INTS9: variants seen among roughly 807,000 people sequenced by gnomAD.
INTS9 encodes integrator complex subunit 9.
Under a neutral mutation model 79.7 loss-of-function variants are expected in INTS9, and 55 were observed. The observed-to-expected ratio is 0.69, with a 90% CI of 0.56 to 0.86. The LOEUF (loss-of-function observed/expected upper bound fraction) is 0.86, where lower values mean the gene tolerates loss of function less well. Among genes scored for constraint, INTS9 ranks in the 40% least tolerant of loss-of-function variants. The pLI is 0.00. For synonymous variants in INTS9, 319 were observed against 325.2 expected (o/e 0.98, Z 0.20); for missense variants, 721 against 831.5 (o/e 0.87, Z 1.64).
At chr8:28,850,416 A>C (rs1296438352) in intron 2 of INTS9, 143 bp from the exon 3 acceptor site, 8 of 531,314 alleles carry the variant, frequency 1.5e-5, no homozygotes, top group African/African-American at 7.8e-5. Flanking sequence ...AATAAAAAAT[A>C]AGAGAAATAA....
intron 1 of INTS9, among the ~76,000 whole-genome samples, chr8:28,885,284 A>T (rs1477291414): frequency 6.6e-6 from 1 of 152,274 alleles, no homozygotes; most frequent in Non-Finnish European, 1.5e-5. Flanking sequence ...TTTAATAAGT[A>T]TAGTATAACA....
At chr8:28,813,835 A>C in intron 6 of INTS9, 1 of 388,754 alleles carries the variant, frequency 2.6e-6, no homozygotes, top group Non-Finnish European at 4.6e-6. Context: ...ATCTCGGCTC[A>C]CTGCAACCTC....
chr8:28,803,667 T>A (rs1804647101), intron 8 of INTS9, among the ~76,000 whole-genome samples: 1 of 152,126 alleles, frequency 6.6e-6, no homozygotes. Context: ...ATGACCTAAG[T>A]AAAGTTCACT....
rs145838244 is a variant in INTS9 at position 28,858,009 on chromosome 8, C to T, written c.137+1427G>A. On this transcript the variant is annotated intron_variant, in intron 2 of 16. Coordinates refer to ENST00000521022, the MANE Select transcript of INTS9 (RefSeq NM_018250.4). ...AGAATGGGAAGGGGAAGAGAGGGAA[C>T]GAGAATTCCAGTGCTGAGCCAGGAC... is the stretch of plus-strand genomic sequence containing the variant. Among the ~76,000 whole-genome samples the T allele has an allele frequency of 1.1e-3, 173 of 152,152 alleles. 3 individuals are homozygous for T. The East Asian group carries it at 0.022, about 20-fold the overall frequency.
At chr8:28,781,519 T>C (rs1200567436) in intron 11 of INTS9, among the ~76,000 whole-genome samples, 1 of 152,168 alleles carries the variant, frequency 6.6e-6, no homozygotes, top group Non-Finnish European at 1.5e-5. Context: ...AATGTCCTAA[T>C]TGCTAAAACG....
Position 28,796,663 on chromosome 8 carries a change from AG to A in INTS9, c.745-9del. ...AGAAGCTTGGTCCATGGGCTGAAAA[AG>A]AACACAGAAATATGGTTAGTAATTT... On this transcript the variant is annotated splice_polypyrimidine_tract_variant and intron_variant, in intron 8 of 16. Coordinates refer to ENST00000521022, the MANE Select transcript of INTS9 (RefSeq NM_018250.4). The A allele has an allele frequency of 6.5e-7, 1 of 1,549,542 alleles. No homozygotes were observed.
chr8:28,820,613 T>TG, intron 6 of INTS9, among the ~76,000 whole-genome samples: 1 of 152,196 alleles, frequency 6.6e-6, no homozygotes, highest in Non-Finnish European at 1.5e-5. Context: ...TTACGTGTCT[T>TG]GGAGTTGCTC....
chr8:28,780,808 AT>A lies in INTS9; in HGVS notation c.1270+14del. ...GTGGAGAGAACCAATTTGTTTCTTT[AT>A]TTTTTTCACTTACCCGTGAATATGA... is the stretch of plus-strand genomic sequence containing the variant. On this transcript the variant is annotated intron_variant, in intron 12 of 16. Coordinates refer to ENST00000521022, the MANE Select transcript of INTS9 (RefSeq NM_018250.4). 3 of 1,611,922 alleles carry A rather than the reference AT, an allele frequency of 1.9e-6. No homozygotes were observed. Among genetic ancestry groups the A allele is most frequent in the Non-Finnish European group, 2.5e-6 (3 of 1,178,364 alleles).
chr8:28,824,644 A>G (rs1263990137), intron 6 of INTS9, among the ~76,000 whole-genome samples: 1 of 152,184 alleles, frequency 6.6e-6, no homozygotes, highest in Non-Finnish European at 1.5e-5. Context: ...ACAGAAGCCC[A>G]CTTTGGACTG....
chr8:28,860,890 C>T (rs570448506), intron 1 of INTS9, among the ~76,000 whole-genome samples: 1 of 152,346 alleles, frequency 6.6e-6, no homozygotes, highest in East Asian at 1.9e-4. Context: ...GTATTTGTTG[C>T]TCTGTTGGTT....
rs3054476 is a variant in INTS9 at position 28,852,294 on chromosome 8, C to CT, written c.138-2022dup. Among the ~76,000 whole-genome samples, 298 of 146,192 alleles carry CT rather than the reference C, an allele frequency of 2.0e-3. 1 individual carries two copies. The highest frequency in any genetic ancestry group is 4.0e-3 in the African/African-American group (160 of 39,592). ...TGGTATAAATCACACCTGATAAACT[C>CT]TTTTTTTTTTTTTTTTAAACTCTGG... On this transcript the variant is annotated intron_variant, in intron 2 of 16. Transcript: ENST00000521022.
intron 1 of INTS9, among the ~76,000 whole-genome samples, chr8:28,867,691 T>C (rs1289815901): frequency 1.3e-5 from 2 of 151,360 alleles, no homozygotes; most frequent in African/African-American, 4.8e-5. Flanking sequence ...AATTGAATTT[T>C]AGTGAACTGA....
intron 2 of INTS9, among the ~76,000 whole-genome samples, chr8:28,858,107 C>T (rs1808272177): frequency 1.3e-5 from 2 of 152,112 alleles, no homozygotes. Flanking sequence ...GATTGTCTGC[C>T]CTCGTCCAGT....
In INTS9 at chr8:28,866,121, A is replaced by G. The variant is rs1808732353; in HGVS notation, c.10-6558T>C. ...TCTAGAAGTCCTCTTTCCTTATTGA[A>G]AACAGCATCTTATTCTTTTCAAAGG... On this transcript the variant is annotated intron_variant, in intron 1 of 16. Coordinates refer to ENST00000521022, the MANE Select transcript of INTS9 (RefSeq NM_018250.4). Among the ~76,000 whole-genome samples the G allele has an allele frequency of 1.3e-5, 2 of 152,142 alleles. 1 individual carries two copies. The highest frequency in any genetic ancestry group is 4.2e-4 in the South Asian group (2 of 4,806).
chr8:28,844,442 A>G (rs1308948526), intron 4 of INTS9, among the ~76,000 whole-genome samples: 1 of 152,142 alleles, frequency 6.6e-6, no homozygotes, highest in African/African-American at 2.4e-5. Context: ...TGGGAGGTTG[A>G]GGTGGGAGGA....
In INTS9 at chr8:28,793,943, G is replaced by A. The variant is rs1184225188; in HGVS notation, c.901C>T (p.Pro301Ser). 2 of 1,608,116 alleles carry A rather than the reference G, an allele frequency of 1.2e-6. No homozygotes were observed. The highest frequency in any genetic ancestry group is 1.7e-5 in the Admixed American group (1 of 59,432). Reference sequence around the variant, plus strand: ...AGGAGGTCATAGATCACTCCAGAAGGGTAGCAGGGAACCAACACGTTTCCT... The same window carrying A: ...AGGAGGTCATAGATCACTCCAGAAGAGTAGCAGGGAACCAACACGTTTCCT... ...NGGNVLVPCY[P>S]SGVIYDLLEC... The change falls in exon 10 of 17, where the codon CCT becomes TCT. Residue 301 changes from proline (P) to serine (S), a missense_variant. Physicochemically the swap from Pro to Ser is moderately conservative, Grantham distance 74. This residue lies in a region of INTS9 where 149 missense variants were observed against 223.7 expected (regional missense o/e 0.67). Coordinates refer to ENST00000521022, the MANE Select transcript of INTS9 (RefSeq NM_018250.4).
intron 8 of INTS9, among the ~76,000 whole-genome samples, chr8:28,797,950 T>C (rs1804316527): frequency 6.6e-6 from 1 of 152,234 alleles, no homozygotes. Flanking sequence ...CCTTCTATTA[T>C]ATATAAGCAT....
At chr8:28,815,474 A>C (rs1805417102) in intron 6 of INTS9, among the ~76,000 whole-genome samples, 1 of 152,198 alleles carries the variant, frequency 6.6e-6, no homozygotes, top group South Asian at 2.1e-4. Flanking sequence ...CTGAAGTCAG[A>C]AATGGTCTAA....
At chr8:28,847,748 G>T (rs1221186953) in intron 3 of INTS9, among the ~76,000 whole-genome samples, 1 of 152,206 alleles carries the variant, frequency 6.6e-6, no homozygotes, top group African/African-American at 2.4e-5. Flanking sequence ...TTATATGGGA[G>T]GTGCTGAGAA....
Sources: gnomAD v4.1 joint callset for allele counts (sites outside exome capture counted in the v4.1 genomes callset) on GRCh38, gnomAD v4.1.1 for gene constraint, gnomAD v4.1.1 regional missense constraint, MANE v1.5 for transcripts, NCBI Gene and HGNC (gene_info 2026-07-23, HGNC 2026-07-21) for gene names.